LNPEP: variants seen among roughly 807,000 people sequenced by gnomAD.
LNPEP encodes the protein leucyl-cystinyl aminopeptidase.
Under a neutral mutation model 120.6 loss-of-function variants are expected in LNPEP, and 64 were observed. The ratio of observed to expected loss-of-function variants is 0.53; its 90% CI spans 0.43 to 0.65. The LOEUF is 0.65. LNPEP is among the 30% of genes least tolerant of loss of function. The probability of loss-of-function intolerance (pLI) is 0.00; values close to 1 mark genes in which losing one functional copy is unlikely to be tolerated. For synonymous variants in LNPEP, 435 were observed against 425.4 expected, an observed-to-expected ratio of 1.02 and a Z score of -0.28; for missense variants, 1,057 against 1,200.0, an observed-to-expected ratio of 0.88 and a Z score of 1.76.
At chr5:96,947,138 A>G (rs942584965) in intron 1 of LNPEP, among the ~76,000 whole-genome samples, 2 of 152,228 alleles carry the variant, frequency 1.3e-5, no homozygotes, top group African/African-American at 4.8e-5. Context: ...TGAGAGATTA[A>G]TAAGCATAAA....
At chr5:96,995,609 A>G (rs1790498020) in intron 6 of LNPEP, among the ~76,000 whole-genome samples, 1 of 151,858 alleles carries the variant, frequency 6.6e-6, no homozygotes, top group Non-Finnish European at 1.5e-5. Context: ...GCTCACTGCA[A>G]TTTTGAACTC....
chr5:96,979,047 T>G, intron 1 of LNPEP, 91 bp from the exon 2 acceptor site: 2 of 1,434,948 alleles, frequency 1.4e-6, no homozygotes. Context: ...ATTCTTAGTT[T>G]AAATGTGGTC....
intron 1 of LNPEP, among the ~76,000 whole-genome samples, chr5:96,977,312 G>A (rs961675734): frequency 1.3e-5 from 2 of 151,958 alleles, no homozygotes; most frequent in African/African-American, 2.4e-5. Flanking sequence ...AGGTGGATGG[G>A]CATGGGAAAG....
At chr5:96,986,101 G>A (rs1422840249) in intron 3 of LNPEP, among the ~76,000 whole-genome samples, 2 of 151,944 alleles carry the variant, frequency 1.3e-5, no homozygotes, top group African/African-American at 4.8e-5. Flanking sequence ...GCTTTCTTGG[G>A]GGTCCTCAAC....
chr5:96,972,814 A>G (rs183404688), intron 1 of LNPEP, among the ~76,000 whole-genome samples: 2 of 152,070 alleles, frequency 1.3e-5, no homozygotes, highest in African/African-American at 4.8e-5. Flanking sequence ...GGACTGAATC[A>G]TTGCTCGCTG....
Position 97,022,423 on chromosome 5 carries a change from A to G in LNPEP, c.2500A>G (p.Asn834Asp). The change falls in exon 14 of 18, where the codon AAC (asparagine) becomes GAC (aspartate). Residue 834 changes from asparagine to aspartate, a missense_variant. By Grantham distance (23) the Asn-to-Asp change is conservative. Coordinates refer to ENST00000231368, the MANE Select transcript of LNPEP (RefSeq NM_005575.3). ...GTTTGCTTGCACCCACAACCTGGGG[A>G]ACTGCTCTACTACTGCCATGAAACT... ...LEFACTHNLG[N>D]CSTTAMKLFD... 6.2e-7 allele frequency: 1 copy of G among 1,614,098 alleles called. No individual in the cohort carries two copies. The highest frequency in any genetic ancestry group is 8.5e-7 in the Non-Finnish European group (1 of 1,179,982).
At chr5:96,962,999 C>T (rs1185027446) in intron 1 of LNPEP, among the ~76,000 whole-genome samples, 1 of 152,134 alleles carries the variant, frequency 6.6e-6, no homozygotes, top group Non-Finnish European at 1.5e-5. Flanking sequence ...AAGCTCACAG[C>T]TGCACAGAGG....
intron 1 of LNPEP, among the ~76,000 whole-genome samples, chr5:96,975,551 T>G (rs965200141): frequency 6.6e-6 from 1 of 152,148 alleles, no homozygotes; most frequent in Admixed American, 6.6e-5. Flanking sequence ...GCCATTATAG[T>G]GACAGTCTAA....
intron 2 of LNPEP, among the ~76,000 whole-genome samples, chr5:96,982,139 C>T (rs1790142488): frequency 6.6e-6 from 1 of 152,026 alleles, no homozygotes; most frequent in Non-Finnish European, 1.5e-5. Context: ...GTAACTTATC[C>T]AGCATCTCAT....
At chr5:97,008,735 G>A (rs1250712669) in intron 11 of LNPEP, among the ~76,000 whole-genome samples, 3 of 139,478 alleles carry the variant, frequency 2.2e-5, no homozygotes, top group Admixed American at 1.6e-4. Context: ...CGCGATCTCA[G>A]CTCACTGCAA....
intron 14 of LNPEP, 126 bp downstream of exon 14, chr5:97,022,610 C>T: frequency 2.8e-6 from 2 of 727,020 alleles, no homozygotes; most frequent in Non-Finnish European, 4.4e-6. Flanking sequence ...TAGGTGAACT[C>T]TATGTATCTG....
At chr5:96,949,734 A>G (rs1432628859) in intron 1 of LNPEP, among the ~76,000 whole-genome samples, 1 of 152,194 alleles carries the variant, frequency 6.6e-6, no homozygotes, top group East Asian at 1.9e-4. Context: ...AGACAAAAAC[A>G]CAGTTCTTTT....
chr5:96,951,714 A>G (rs1227732427), intron 1 of LNPEP, among the ~76,000 whole-genome samples: 1 of 152,168 alleles, frequency 6.6e-6, no homozygotes, highest in Non-Finnish European at 1.5e-5. Flanking sequence ...TGGAGTTTAC[A>G]TTCCTGCCTG....
chr5:96,953,243 G>C (rs1789367480), intron 1 of LNPEP, among the ~76,000 whole-genome samples: 2 of 152,202 alleles, frequency 1.3e-5, no homozygotes, highest in Admixed American at 1.3e-4. Flanking sequence ...TCATCCAGGT[G>C]TTCACACATA....
chr5:96,953,785 A>T (rs899346836), intron 1 of LNPEP, among the ~76,000 whole-genome samples: 1 of 152,200 alleles, frequency 6.6e-6, no homozygotes, highest in African/African-American at 2.4e-5. Context: ...TCTATGTCTT[A>T]GTTTATGTAT....
At chr5:96,983,633 G>C (rs1790175923) in intron 2 of LNPEP, among the ~76,000 whole-genome samples, 1 of 152,096 alleles carries the variant, frequency 6.6e-6, no homozygotes, top group South Asian at 2.1e-4. Flanking sequence ...TTTAAGTAGA[G>C]ATGAGGTTTC....
intron 4 of LNPEP, among the ~76,000 whole-genome samples, chr5:96,988,293 T>C (rs1230515498): frequency 1.3e-5 from 2 of 151,944 alleles, no homozygotes; most frequent in Non-Finnish European, 2.9e-5. Context: ...AAAATTTATT[T>C]TTTCCACCCA....
Position 96,998,061 on chromosome 5 carries a change from C to T in LNPEP, c.1569C>T (p.Ser523=), listed in dbSNP as rs758666058. 1.3e-6 allele frequency: 2 copies of T among 1,582,432 alleles called. No homozygotes were observed. Among genetic ancestry groups the T allele is most frequent in the Non-Finnish European group, 1.7e-6 (2 of 1,156,946 alleles). ...DARFKTMKKD[S]LNSSHPISSS... ...GATTTAAAACCATGAAGAAAGATTCCTTAAATTCATCTCATCCAATATCAT... is the reference window on the plus strand; with the variant it reads ...GATTTAAAACCATGAAGAAAGATTCTTTAAATTCATCTCATCCAATATCAT... The change falls in exon 8 of 18, where the codon TCC becomes TCT. Residue 523 remains serine, a synonymous_variant. Transcript: ENST00000231368.
At chr5:96,948,911 T>C (rs887787308) in intron 1 of LNPEP, among the ~76,000 whole-genome samples, 1 of 152,260 alleles carries the variant, frequency 6.6e-6, no homozygotes, top group Admixed American at 6.5e-5. Context: ...ATTCAAATCC[T>C]GGCTCTTTAT....
Sources: allele counts gnomAD v4.1 joint callset (sites outside exome capture counted in the v4.1 genomes callset), GRCh38; gene constraint gnomAD v4.1.1; transcripts MANE v1.5; gene names NCBI Gene and HGNC (gene_info 2026-07-23, HGNC 2026-07-21).